Variants in CTIF observed in about 807,000 individuals in gnomAD.
CTIF encodes CBP80/20-dependent translation initiation factor.
In CTIF, 21 loss-of-function variants were observed where a neutral mutation model predicts 66.0. That is an observed-to-expected ratio of 0.32 (90% confidence interval 0.23 to 0.46). CTIF has a LOEUF of 0.46. Among genes scored for constraint, CTIF ranks in the 20% least tolerant of loss-of-function variants. The probability of loss-of-function intolerance (pLI) is 1.00; values close to 1 mark genes in which losing one functional copy is unlikely to be tolerated. For synonymous variants in CTIF, 345 were observed against 326.4 expected (o/e 1.06, Z -0.62); for missense variants, 739 against 812.7 (o/e 0.91, Z 1.10).
intron 1 of CTIF, among the ~76,000 whole-genome samples, chr18:48,599,023 T>TAG (rs34947714): frequency 0.028 from 4,328 of 152,268 alleles, 198 homozygotes; most frequent in African/African-American, 0.098. Context: ...CTGAAGACTT[T>TAG]AGACCTCTCT....
At chr18:48,619,138 G>A (rs1411938358) in intron 1 of CTIF, among the ~76,000 whole-genome samples, 1 of 152,186 alleles carries the variant, frequency 6.6e-6, no homozygotes, top group African/African-American at 2.4e-5. Context: ...CTCAATCTTG[G>A]TTCTGTTGTT....
At chr18:48,855,638 T>G (rs1840306116) in intron 10 of CTIF, among the ~76,000 whole-genome samples, 1 of 152,148 alleles carries the variant, frequency 6.6e-6, no homozygotes, top group South Asian at 2.1e-4. Context: ...TGGCCAGTTG[T>G]GTACAAGATA....
chr18:48,696,955 G>A (rs1351561651), intron 6 of CTIF, among the ~76,000 whole-genome samples: 1 of 152,220 alleles, frequency 6.6e-6, no homozygotes, highest in African/African-American at 2.4e-5. Flanking sequence ...GGGGACCCAG[G>A]TCTTTGTTAC....
intron 1 of CTIF, among the ~76,000 whole-genome samples, chr18:48,550,291 G>A (rs958395913): frequency 6.6e-6 from 1 of 152,236 alleles, no homozygotes; most frequent in Non-Finnish European, 1.5e-5. Flanking sequence ...GGAAAGGCCT[G>A]AGGGCCTGAG....
At chr18:48,820,772 G>A (rs1568245183) in intron 10 of CTIF, among the ~76,000 whole-genome samples, 1 of 152,316 alleles carries the variant, frequency 6.6e-6, no homozygotes, top group East Asian at 1.9e-4. Flanking sequence ...CTGCTTCTGA[G>A]TAAAACCCAA....
intron 1 of CTIF, among the ~76,000 whole-genome samples, chr18:48,589,279 G>C (rs969301350): frequency 5.3e-5 from 8 of 152,190 alleles, no homozygotes; most frequent in African/African-American, 7.2e-5. Context: ...GGGGGAGTCT[G>C]TTCCAGCTTT....
intron 9 of CTIF, among the ~76,000 whole-genome samples, chr18:48,763,016 TGAC>T (rs994387772): frequency 3.3e-5 from 5 of 152,318 alleles, no homozygotes; most frequent in Admixed American, 3.3e-4. Context: ...ACTCCCCTGG[TGAC>T]GAATTCCCGC....
intron 7 of CTIF, among the ~76,000 whole-genome samples, chr18:48,737,588 G>A (rs756309051): frequency 2.7e-5 from 4 of 150,488 alleles, no homozygotes; most frequent in Non-Finnish European, 4.4e-5. Flanking sequence ...AAAGCAGAAG[G>A]AAATACATGA....
intron 3 of CTIF, among the ~76,000 whole-genome samples, chr18:48,650,132 A>G (rs1269972835): frequency 6.6e-6 from 1 of 152,264 alleles, no homozygotes; most frequent in African/African-American, 2.4e-5. Flanking sequence ...AATGACTTTG[A>G]TGAGCTGACA....
At chr18:48,634,498 G>C (rs534959945) in intron 2 of CTIF, among the ~76,000 whole-genome samples, 1 of 152,328 alleles carries the variant, frequency 6.6e-6, no homozygotes, top group East Asian at 1.9e-4. Flanking sequence ...ACCAACTCTT[G>C]ACCTGAGGCT....
At chr18:48,598,008 G>A (rs900844175) in intron 1 of CTIF, among the ~76,000 whole-genome samples, 2 of 152,150 alleles carry the variant, frequency 1.3e-5, no homozygotes, top group African/African-American at 4.8e-5. Context: ...CTATTCCAAT[G>A]CCCTTTCAGC....
At chr18:48,697,618 C>G (rs1297818003) in intron 6 of CTIF, among the ~76,000 whole-genome samples, 1 of 152,216 alleles carries the variant, frequency 6.6e-6, no homozygotes, top group African/African-American at 2.4e-5. Flanking sequence ...ATTCTCCAGT[C>G]TAACTCCAAA....
intron 2 of CTIF, among the ~76,000 whole-genome samples, chr18:48,631,177 AAC>A (rs1323551786): frequency 2.0e-5 from 3 of 152,162 alleles, no homozygotes; most frequent in African/African-American, 7.2e-5. Context: ...CTGCTCATAA[AAC>A]ACTGGCCGGG....
intron 6 of CTIF, among the ~76,000 whole-genome samples, chr18:48,685,374 C>T (rs2091822758): frequency 6.6e-6 from 1 of 152,074 alleles, no homozygotes; most frequent in Admixed American, 6.5e-5. Context: ...AGGCACATGC[C>T]ACCACGCCCG....
intron 1 of CTIF, among the ~76,000 whole-genome samples, chr18:48,594,787 A>G (rs2144035927): frequency 6.6e-6 from 1 of 152,316 alleles, no homozygotes. Flanking sequence ...GACTAGAACT[A>G]TCCAAGGAAC....
At chr18:48,545,135 G>A (rs922701271) in intron 1 of CTIF, among the ~76,000 whole-genome samples, 12 of 152,320 alleles carry the variant, frequency 7.9e-5, no homozygotes, top group East Asian at 3.9e-4. Flanking sequence ...AAGGCATGGC[G>A]TGCGCAGGGT....
At chr18:48,801,101 C>A (rs1453793540) in intron 9 of CTIF, among the ~76,000 whole-genome samples, 1 of 152,136 alleles carries the variant, frequency 6.6e-6, no homozygotes, top group Non-Finnish European at 1.5e-5. Context: ...TCCTTCAGGG[C>A]CACCCCCACC....
chr18:48,811,921 G>A (rs2068265404), intron 9 of CTIF, among the ~76,000 whole-genome samples: 1 of 152,112 alleles, frequency 6.6e-6, no homozygotes, highest in South Asian at 2.1e-4. Flanking sequence ...TGGAATTGCT[G>A]GATCATATAG....
At chr18:48,784,540 G>T (rs1568216374) in intron 9 of CTIF, among the ~76,000 whole-genome samples, 1 of 152,150 alleles carries the variant, frequency 6.6e-6, no homozygotes, top group Non-Finnish European at 1.5e-5. Flanking sequence ...TGTAAGGATG[G>T]AGGTGATGTC....
Sources: allele counts gnomAD v4.1 joint callset (sites outside exome capture counted in the v4.1 genomes callset), GRCh38; gene constraint gnomAD v4.1.1; transcripts MANE v1.5; gene names NCBI Gene and HGNC (gene_info 2026-07-23, HGNC 2026-07-21).